Variants in SLC1A4 observed in about 807,000 individuals in gnomAD.
SLC1A4 encodes the protein neutral amino acid transporter A.
A neutral mutation model predicts 37.7 loss-of-function variants in SLC1A4; 19 were observed. The ratio of observed to expected loss-of-function variants is 0.50; its 90% confidence interval spans 0.35 to 0.74. SLC1A4 has a LOEUF of 0.74. Among genes scored for constraint, SLC1A4 ranks in the 30% least tolerant of loss-of-function variants. SLC1A4 has a pLI of 0.01. For synonymous variants in SLC1A4, 299 were observed against 309.8 expected (o/e 0.97, Z 0.37); for missense variants, 570 against 712.9 (o/e 0.80, Z 2.28).
At chr2:64,990,529 T>C (rs929261129) in intron 1 of SLC1A4, among the ~76,000 whole-genome samples, 1 of 152,230 alleles carries the variant, frequency 6.6e-6, no homozygotes, top group Non-Finnish European at 1.5e-5. Context: ...CACGCCCCAG[T>C]GGCTTCGCCT....
chr2:65,021,306 T>C lies in SLC1A4; in HGVS notation c.*160T>C. On this transcript the variant is annotated 3_prime_UTR_variant, in exon 8 of 8. Coordinates refer to ENST00000234256, the MANE Select transcript of SLC1A4 (RefSeq NM_003038.5). ...GAGGCTTACCTCTCGGCACTGGCAT[T>C]GGGCTCCCCAGCCGGAACTGGTTAC... 1 of 619,606 alleles carries C rather than the reference T, an allele frequency of 1.6e-6. No homozygotes were observed. The highest frequency in any genetic ancestry group is 2.0e-5 in the South Asian group (1 of 50,748). 38.4% of individuals were successfully genotyped at this position (619,606 alleles called of 1,614,324 possible).
At chr2:65,012,993 T>C (rs760718975) in intron 4 of SLC1A4, among the ~76,000 whole-genome samples, 11 of 152,228 alleles carry the variant, frequency 7.2e-5, no homozygotes, top group Non-Finnish European at 1.5e-4. Flanking sequence ...AGAGGTTTAA[T>C]TGGCTCACAG....
At chr2:65,017,566 A>G (rs10190648) in intron 5 of SLC1A4, among the ~76,000 whole-genome samples, 95 of 152,198 alleles carry the variant, frequency 6.2e-4, no homozygotes, top group African/African-American at 2.2e-3. Flanking sequence ...AGCTGCACCA[A>G]CTAACCTCTG....
chr2:65,018,758 A>T lies in SLC1A4; in HGVS notation c.1364+79A>T. 1 of 1,521,496 alleles carries T rather than the reference A, an allele frequency of 6.6e-7. No homozygotes were observed. Among genetic ancestry groups the T allele is most frequent in the South Asian group, 1.2e-5 (1 of 84,868 alleles). 94.2% of individuals were successfully genotyped at this position (1,521,496 alleles called of 1,614,324 possible). A position where few individuals can be genotyped will look rare whatever the true frequency, so the allele number is the denominator to read the frequency against. On this transcript the variant is annotated intron_variant, in intron 7 of 7. Transcript: ENST00000234256. This position sits in a 1 kb window ranked among gnomAD's most constrained non-coding sequence, Gnocchi z 4.3. ...AGCTTAGCACTGCTGGGCCTGGGCC[A>T]TGCAGAGAAACTTCAGACACACTCC...
rs1292314021 is a variant in SLC1A4, at chr2:64,989,930, G to T, written c.287G>T (p.Cys96Phe). 2.6e-6 allele frequency: 4 copies of T among 1,565,028 alleles called. No homozygotes were observed. The highest frequency in any genetic ancestry group is 3.5e-6 in the Non-Finnish European group (4 of 1,156,792). ...ATGATCATCCTGCCGCTGGTGGTCT[G>T]CAGCCTGGTGTCGGGCGCCGCCTCG... Reference protein sequence around the residue: ...LRMIILPLVVCSLVSGAASLD... With the variant: ...LRMIILPLVVFSLVSGAASLD... The change falls in exon 1 of 8, where the codon TGC (cysteine) becomes TTC (phenylalanine). Residue 96 changes from cysteine (C) to phenylalanine (F), a missense_variant. By Grantham distance (205) the Cys-to-Phe change is radical. Coordinates refer to ENST00000234256, the MANE Select transcript of SLC1A4 (RefSeq NM_003038.5).
chr2:65,016,260 AG>A (rs1204837991), intron 4 of SLC1A4, among the ~76,000 whole-genome samples, 179 bp from the exon 5 acceptor site: 6 of 152,176 alleles, frequency 3.9e-5, no homozygotes, highest in Non-Finnish European at 7.4e-5. Flanking sequence ...CATTTTACCC[AG>A]TCTCACAGGC....
chr2:65,019,061 G>C (rs1674304160), intron 7 of SLC1A4, among the ~76,000 whole-genome samples: 1 of 152,222 alleles, frequency 6.6e-6, no homozygotes, highest in Admixed American at 6.5e-5. Context: ...TGGCCTGGAA[G>C]ATTCTAAGGA....
Position 64,989,414 on chromosome 2 carries a change from C to A in SLC1A4, c.-230C>A. The A allele has an allele frequency of 2.6e-6, 1 of 383,624 alleles. No homozygotes were observed. The highest frequency in any genetic ancestry group is 4.6e-6 in the Non-Finnish European group (1 of 217,936). The allele number at this position is 383,624 out of a possible 1,614,324, so 23.8% of individuals were successfully genotyped here. A position where few individuals can be genotyped will look rare whatever the true frequency, so the allele number is the denominator to read the frequency against. ...CGTTTGCATCATCTCCAGCCGGCGG[C>A]TGCTCCAGGGAGGCTGGGCGCGATC... is the stretch of plus-strand genomic sequence containing the variant. On this transcript the variant is annotated 5_prime_UTR_variant, in exon 1 of 8. In the 5' UTR this introduces an upstream ATG that the reference lacks. Transcript: ENST00000234256.
chr2:65,022,869 A>G lies in SLC1A4; in HGVS notation c.*1723A>G, dbSNP rs1299261727. The G allele has an allele frequency of 1.3e-5, 2 of 152,282 alleles. No homozygotes were observed. Among genetic ancestry groups the G allele is most frequent in the African/African-American group, 2.4e-5 (1 of 41,398 alleles). 9.4% of individuals were successfully genotyped at this position (152,282 alleles called of 1,614,324 possible). A position where few individuals can be genotyped will look rare whatever the true frequency, so the allele number is the denominator to read the frequency against. On this transcript the variant is annotated 3_prime_UTR_variant, in exon 8 of 8. Transcript: ENST00000234256. ...TCACTCCCTTGTTTTCCCTGTTGCT[A>G]TGTGTCACCTGGGCCCTACAGACAG...
intron 1 of SLC1A4, among the ~76,000 whole-genome samples, chr2:64,993,624 G>A (rs1673142255): frequency 6.6e-6 from 1 of 152,176 alleles, no homozygotes; most frequent in African/African-American, 2.4e-5. Flanking sequence ...TGACTTGTGG[G>A]TTTTTATCCA....
chr2:65,018,607 T>C lies in SLC1A4; in HGVS notation c.1292T>C (p.Ile431Thr). The C allele has an allele frequency of 6.2e-7, 1 of 1,614,240 alleles. No homozygotes were observed. ...AGVPAGGVLT[I>T]AIILEAIGLP... ...GTGCCAGCTGGAGGGGTCCTCACCA[T>C]TGCCATTATCCTGGAGGCCATTGGG... Residue 431 changes from isoleucine to threonine, a missense_variant, in exon 7 of 8, where the codon ATT becomes ACT. Transcript: ENST00000234256. This position sits in a 1 kb window ranked among gnomAD's most constrained non-coding sequence, Gnocchi z 4.3.
chr2:65,018,188 C>T lies in SLC1A4; in HGVS notation c.1152C>T (p.Ile384=). 25 of 1,614,226 alleles carry T rather than the reference C, an allele frequency of 1.5e-5. No homozygotes were observed. The highest frequency in any genetic ancestry group is 2.1e-5 in the Non-Finnish European group (25 of 1,180,038). The part of the protein sequence containing the change: ...GATVNMDGAA[I]FQCVAAVFIA... ...CCGTGAACATGGACGGAGCAGCCAT[C>T]TTCCAGTGTGTGGCCGCGGTGTTCA... is the stretch of plus-strand genomic sequence containing the variant. Residue 384 remains isoleucine (I), a synonymous_variant, in exon 6 of 8, where the codon ATC becomes ATT. Transcript: ENST00000234256. This position sits in a 1 kb window ranked among gnomAD's most constrained non-coding sequence, Gnocchi z 4.3.
intron 1 of SLC1A4, among the ~76,000 whole-genome samples, chr2:64,997,514 A>G (rs7592468): frequency 0.16 from 23,760 of 152,054 alleles, 1,856 homozygotes; most frequent in East Asian, 0.22. Context: ...GCTTTTTATC[A>G]CTATAAATTA....
At chr2:65,003,013 G>A (rs1216359530) in intron 2 of SLC1A4, among the ~76,000 whole-genome samples, 1 of 152,050 alleles carries the variant, frequency 6.6e-6, no homozygotes, top group Admixed American at 6.5e-5. Context: ...TTTTTGATCT[G>A]CATATAAGCA....
intron 7 of SLC1A4, among the ~76,000 whole-genome samples, chr2:65,020,556 T>C (rs755698596): frequency 4.6e-5 from 7 of 152,218 alleles, no homozygotes; most frequent in Non-Finnish European, 1.0e-4. Flanking sequence ...CATGAGCCAC[T>C]GTGCCTGGCT....
chr2:64,990,218 C>T, intron 1 of SLC1A4, 48 bp downstream of exon 1: 1 of 1,485,822 alleles, frequency 6.7e-7, no homozygotes, highest in Non-Finnish European at 9.0e-7. Flanking sequence ...CGCCAGTTCT[C>T]GGATGCCCTC....
chr2:65,003,940 C>T lies in SLC1A4; in HGVS notation c.571-13C>T, dbSNP rs1487541566. On this transcript the variant is annotated splice_polypyrimidine_tract_variant and intron_variant, in intron 2 of 7. Coordinates refer to ENST00000234256, the MANE Select transcript of SLC1A4 (RefSeq NM_003038.5). ...TGCACTAACAGTGGGTTTTTTTTTC[C>T]TCTTGATCACAGTATGCAACCGATT... 8 of 1,611,178 alleles carry T rather than the reference C, an allele frequency of 5.0e-6. No homozygotes were observed. In the Admixed American group the frequency reaches 5.0e-5, roughly 10 times the overall value.
rs761434530 is a variant in SLC1A4, at chr2:65,018,049, G to T, written c.1035-22G>T. ...GCCTCGGACTGTTGTCATGTCTGGC[G>T]GTTTGTTTTTCCCATTTCTAGCTCA... On this transcript the variant is annotated intron_variant, in intron 5 of 7. Coordinates refer to ENST00000234256, the MANE Select transcript of SLC1A4 (RefSeq NM_003038.5). The surrounding 1 kb of genome is among the most constrained non-coding windows in gnomAD (Gnocchi z 4.3). 1 of 1,607,304 alleles carries T rather than the reference G, an allele frequency of 6.2e-7. No individual in the cohort carries two copies. The highest frequency in any genetic ancestry group is 8.5e-7 in the Non-Finnish European group (1 of 1,174,988).
rs1553370740 is a variant in SLC1A4, at chr2:64,991,593, T to TTTTTGTTTGTTTGTTTG, written c.527+1426_527+1427insTGTTTGTTTGTTTGTTT. Among the ~76,000 whole-genome samples, 96 of 143,518 alleles carry TTTTTGTTTGTTTGTTTG rather than the reference T, an allele frequency of 6.7e-4. 1 individual carries two copies. Among genetic ancestry groups the TTTTTGTTTGTTTGTTTG allele is most frequent in the African/African-American group, 2.2e-3 (86 of 39,112 alleles). The allele number at this position is 143,518 out of a possible 152,430, so 94.2% of individuals were successfully genotyped here. A position where few individuals can be genotyped will look rare whatever the true frequency, so the allele number is the denominator to read the frequency against. On this transcript the variant is annotated intron_variant, in intron 1 of 7. Coordinates refer to ENST00000234256, the MANE Select transcript of SLC1A4 (RefSeq NM_003038.5). ...CAGGTGCACACCACCACACCCAGCT[T>TTTTTGTTTGTTTGTTTG]TTTGTTTGTTTGTTTGTTTGTTTTT...
Sources: gnomAD v4.1 joint callset for allele counts (sites outside exome capture counted in the v4.1 genomes callset) on GRCh38, gnomAD v4.1.1 for gene constraint, Gnocchi (gnomAD v3.1) non-coding constraint, MANE v1.5 for transcripts, NCBI Gene and HGNC (gene_info 2026-07-23, HGNC 2026-07-21) for gene names.